SHISA6: variants seen among roughly 807,000 people sequenced by gnomAD.
The protein encoded by SHISA6 is shisa family member 6, also known as protein shisa-6.
A neutral mutation model predicts 47.9 loss-of-function variants in SHISA6; 22 were observed. The ratio of observed to expected loss-of-function variants is 0.46; its 90% CI spans 0.33 to 0.66. The LOEUF is 0.66. Ranked by LOEUF, SHISA6 falls within the 30% of genes least tolerant of loss-of-function variation. SHISA6 has a pLI of 0.02. For synonymous variants in SHISA6, 388 were observed against 337.8 expected (o/e 1.15, Z -1.63); for missense variants, 680 against 764.6 (o/e 0.89, Z 1.30).
intron 3 of SHISA6, among the ~76,000 whole-genome samples, chr17:11,381,246 A>G (rs1040507160): frequency 3.9e-5 from 6 of 152,190 alleles, no homozygotes; most frequent in African/African-American, 1.4e-4. Context: ...GGTCCAACCC[A>G]AAACACCCAA....
At chr17:11,428,594 A>G (rs559158641) in intron 3 of SHISA6, among the ~76,000 whole-genome samples, 3 of 152,300 alleles carry the variant, frequency 2.0e-5, no homozygotes, top group South Asian at 4.1e-4. Context: ...TTGCAGCATA[A>G]CAAATTATTT....
chr17:11,476,359 C>T (rs1258734356), intron 3 of SHISA6, among the ~76,000 whole-genome samples: 1 of 151,946 alleles, frequency 6.6e-6, no homozygotes, highest in Non-Finnish European at 1.5e-5. Flanking sequence ...TTTACATAGT[C>T]CCTTAAGGTG....
intron 3 of SHISA6, among the ~76,000 whole-genome samples, chr17:11,437,843 A>T (rs1404268053): frequency 6.6e-6 from 1 of 152,166 alleles, no homozygotes. Flanking sequence ...AACACAGCCT[A>T]GGCATCCCTG....
At chr17:11,439,174 G>A (rs1006299012) in intron 3 of SHISA6, among the ~76,000 whole-genome samples, 6 of 152,122 alleles carry the variant, frequency 3.9e-5, no homozygotes, top group African/African-American at 9.7e-5. Flanking sequence ...TTACACCCAA[G>A]AAAATCCTTC....
chr17:11,356,358 C>G (rs1912078442), intron 2 of SHISA6, among the ~76,000 whole-genome samples: 1 of 152,140 alleles, frequency 6.6e-6, no homozygotes, highest in Non-Finnish European at 1.5e-5. Flanking sequence ...CAGAGACTCT[C>G]CATTGGTCTC....
chr17:11,529,227 A>G (rs1006192628), intron 3 of SHISA6, among the ~76,000 whole-genome samples: 2 of 151,984 alleles, frequency 1.3e-5, no homozygotes, highest in Admixed American at 1.3e-4. Flanking sequence ...AAAAAAGAAA[A>G]TAGCCTTAAA....
chr17:11,328,596 G>GTGTT (rs1224956566), intron 2 of SHISA6, among the ~76,000 whole-genome samples: 1 of 152,196 alleles, frequency 6.6e-6, no homozygotes, highest in African/African-American at 2.4e-5. Context: ...TTGCGTGTGT[G>GTGTT]TGTTGTTAAG....
rs1419629213 is a variant in SHISA6 at position 11,524,744 on chromosome 17, C to T, written c.896-27152C>T. Among the ~76,000 whole-genome samples, 3 of 152,158 alleles carry T rather than the reference C, an allele frequency of 2.0e-5. No individual in the cohort carries two copies. The East Asian group carries it at 5.8e-4, about 29-fold the overall frequency. On this transcript the variant is annotated intron_variant, in intron 3 of 5. Transcript: ENST00000441885. ...AAACTCCTGACCTCAGGTGATCCAC[C>T]CGCCTTGGCCTCCCAAAGTGCTAGG...
Position 11,241,704 on chromosome 17 carries a change from C to T in SHISA6, c.282C>T (p.Cys94=), listed in dbSNP as rs1325198910. 3.9e-6 allele frequency: 6 copies of T among 1,537,760 alleles called. No individual in the cohort carries two copies. Among genetic ancestry groups the T allele is most frequent in the African/African-American group, 1.4e-5 (1 of 73,014 alleles). The change falls in exon 1 of 6, where the codon TGC becomes TGT. Residue 94 remains cysteine (C), a synonymous_variant. Coordinates refer to ENST00000441885, the MANE Select transcript of SHISA6 (RefSeq NM_207386.4). This position sits in a 1 kb window ranked among gnomAD's most constrained non-coding sequence, Gnocchi z 5.5. ...AASAAVTYET[C]WGYYDVSGQY... ...GCGCGGCCGTCACCTACGAGACGTG[C>T]TGGGGCTACTACGACGTGAGCGGCC...
chr17:11,283,168 G>T (rs2142162418), intron 2 of SHISA6, among the ~76,000 whole-genome samples: 1 of 152,188 alleles, frequency 6.6e-6, no homozygotes, highest in East Asian at 1.9e-4. Flanking sequence ...GATACTTACT[G>T]CTCTTTTAGA....
intron 3 of SHISA6, among the ~76,000 whole-genome samples, chr17:11,543,926 A>AC (rs2071857220): frequency 1.4e-5 from 2 of 140,826 alleles, no homozygotes; most frequent in African/African-American, 5.6e-5. Context: ...AAAAAAAAAA[A>AC]CAAAAAAAAG....
chr17:11,292,956 CG>C (rs1567563137), intron 2 of SHISA6, among the ~76,000 whole-genome samples: 1 of 150,850 alleles, frequency 6.6e-6, no homozygotes, highest in South Asian at 2.1e-4. Context: ...TCCGGAGTAG[CG>C]GGGATTACAG....
At chr17:11,418,007 T>G (rs1215022586) in intron 3 of SHISA6, among the ~76,000 whole-genome samples, 1 of 152,180 alleles carries the variant, frequency 6.6e-6, no homozygotes, top group Non-Finnish European at 1.5e-5. Flanking sequence ...CACACATTAG[T>G]GTATCTTGTG....
At chr17:11,475,156 A>G (rs1307976733) in intron 3 of SHISA6, among the ~76,000 whole-genome samples, 1 of 152,116 alleles carries the variant, frequency 6.6e-6, no homozygotes, top group Non-Finnish European at 1.5e-5. Flanking sequence ...CCTTGTTATA[A>G]TCACATATTA....
intron 3 of SHISA6, among the ~76,000 whole-genome samples, chr17:11,386,196 C>T (rs1366024600): frequency 3.9e-5 from 6 of 151,946 alleles, no homozygotes; most frequent in African/African-American, 7.3e-5. Context: ...ACCAACATGG[C>T]GAAACCCCGT....
At chr17:11,481,364 GTGTA>G (rs59520578) in intron 3 of SHISA6, among the ~76,000 whole-genome samples, 26,600 of 133,792 alleles carry the variant, frequency 0.2, 2,310 homozygotes, top group Admixed American at 0.24. Flanking sequence ...GTGTGTGTGT[GTGTA>G]TATATATATA....
intron 2 of SHISA6, among the ~76,000 whole-genome samples, chr17:11,326,366 A>G (rs900965204): frequency 1.3e-5 from 2 of 151,396 alleles, no homozygotes; most frequent in African/African-American, 4.9e-5. Context: ...AAAGACATGC[A>G]CTCTTTGTTC....
Position 11,558,060 on chromosome 17 carries a change from T to G in SHISA6, c.1412T>G (p.Leu471Arg). 1 of 1,551,670 alleles carries G rather than the reference T, an allele frequency of 6.4e-7. No individual in the cohort carries two copies. The highest frequency in any genetic ancestry group is 8.7e-7 in the Non-Finnish European group (1 of 1,146,990). ...CGGACGGCCTTTCCCGAGCAGTCGC[T>G]GTCCAGGGCCATCTCGCACACGGAC... Reference protein sequence around the residue: ...PERTAFPEQSLSRAISHTDVF... With the variant: ...PERTAFPEQSRSRAISHTDVF... Residue 471 changes from leucine to arginine, a missense_variant, in exon 6 of 6, where the codon CTG becomes CGG. Physicochemically the swap from Leu to Arg is moderately radical, Grantham distance 102 (BLOSUM62 -2). Transcript: ENST00000441885.
rs192030968 is a variant in SHISA6 at position 11,438,322 on chromosome 17, G to A, written c.895+58813G>A. ...GAGTGCTTCATTAGTAACTGTATTGGTTTGCCAGGGCTGCCATAACAAAAT... is the reference window on the plus strand; with the variant it reads ...GAGTGCTTCATTAGTAACTGTATTGATTTGCCAGGGCTGCCATAACAAAAT... On this transcript the variant is annotated intron_variant, in intron 3 of 5. Transcript: ENST00000441885. 4.8e-3 allele frequency among the ~76,000 whole-genome samples: 735 copies of A among 152,218 alleles called. 9 individuals are homozygous for A. The highest frequency in any genetic ancestry group is 0.017 in the African/African-American group (718 of 41,534).
Sources: gnomAD v4.1 joint callset for allele counts (sites outside exome capture counted in the v4.1 genomes callset) on GRCh38, gnomAD v4.1.1 for gene constraint, Gnocchi (gnomAD v3.1) non-coding constraint, MANE v1.5 for transcripts, NCBI Gene and HGNC (gene_info 2026-07-23, HGNC 2026-07-21) for gene names.